The following KIAA1217 variants were observed in gnomAD, a reference collection of about 807,000 sequenced individuals.
KIAA1217 encodes KIAA1217, also known as sickle tail protein homolog.
Under a neutral mutation model 163.9 loss-of-function variants are expected in KIAA1217, and 88 were observed. That is an observed-to-expected ratio of 0.54 (90% confidence interval 0.45 to 0.64). KIAA1217 has a LOEUF of 0.64. Ranked by LOEUF, KIAA1217 falls within the 30% of genes least tolerant of loss-of-function variation. The probability of loss-of-function intolerance (pLI) is 0.00; values close to 1 mark genes in which losing one functional copy is unlikely to be tolerated. For missense variants in KIAA1217, 2,372 were observed against 2,475.0 expected, an observed-to-expected ratio of 0.96 and a Z score of 0.88; for synonymous variants, 903 against 923.1, an observed-to-expected ratio of 0.98 and a Z score of 0.39.
At position 24,092,909 on chromosome 10, in the gene KIAA1217, GTGTGTGTGTGTGTGTGTGT is replaced by G. The variant is rs1278911754; in HGVS notation, c.-171+85555_-171+85573del. ...ATTTTACTGTGTGTATGTATAGTGTGTGTGTGTGTGTGTGTGTGTTGTGTGTGTGTGTGTGTGTGTGTGT... is the reference window on the plus strand; with the variant it reads ...ATTTTACTGTGTGTATGTATAGTGTGTGTGTGTGTGTGTGTGTGTGTGTGT... On this transcript the variant is annotated intron_variant, in intron 2 of 18. Coordinates refer to the KIAA1217 transcript ENST00000376462. 4.3e-3 allele frequency among the ~76,000 whole-genome samples: 581 copies of G among 136,480 alleles called. 12 individuals carry two copies. The highest frequency in any genetic ancestry group is 0.019 in the African/African-American group (555 of 28,954). 89.5% of individuals were successfully genotyped at this position (136,480 alleles called of 152,430 possible).
chr10:24,346,852 T>G (rs1203431790), intron 2 of KIAA1217, among the ~76,000 whole-genome samples: 1 of 152,136 alleles, frequency 6.6e-6, no homozygotes, highest in Non-Finnish European at 1.5e-5. Flanking sequence ...ACAACAGGCA[T>G]GAGCCACTGC....
intron 1 of KIAA1217, among the ~76,000 whole-genome samples, chr10:23,954,866 G>A (rs893080110): frequency 1.3e-5 from 2 of 152,124 alleles, no homozygotes; most frequent in East Asian, 3.8e-4. Flanking sequence ...TTTGAACCAT[G>A]TTTTAAGGGA....
At chr10:24,379,280 A>G (rs1041937815) in intron 2 of KIAA1217, among the ~76,000 whole-genome samples, 3 of 152,196 alleles carry the variant, frequency 2.0e-5, no homozygotes, top group Non-Finnish European at 4.4e-5. Context: ...AAATACTTGT[A>G]ATGTGTGTCA....
At chr10:24,541,600 C>T (rs1021581609) in intron 17 of KIAA1217, among the ~76,000 whole-genome samples, 1 of 152,146 alleles carries the variant, frequency 6.6e-6, no homozygotes, top group African/African-American at 2.4e-5. Context: ...TCAATCACCT[C>T]AGCATGAAGA....
rs190656016 is a variant in KIAA1217 at position 23,721,581 on chromosome 10, C to T, written c.-321+26347C>T. ...TAAGTAAACAAATAACCCATGTTCT[C>T]GGTGACATAAACCAACCTAAACTAA... On this transcript the variant is annotated intron_variant, in intron 1 of 18. Transcript: ENST00000376462. 1.6e-3 allele frequency among the ~76,000 whole-genome samples: 237 copies of T among 151,590 alleles called. 1 individual carries two copies. The highest frequency in any genetic ancestry group is 2.5e-3 in the Non-Finnish European group (170 of 67,918).
intron 2 of KIAA1217, among the ~76,000 whole-genome samples, chr10:24,198,160 G>A (rs2067078235): frequency 6.6e-6 from 1 of 152,236 alleles, no homozygotes; most frequent in African/African-American, 2.4e-5. Context: ...TTGTTTTAAA[G>A]AGTCCCATTA....
intron 1 of KIAA1217, among the ~76,000 whole-genome samples, chr10:24,003,508 G>T (rs1240500737): frequency 6.6e-6 from 1 of 152,040 alleles, no homozygotes; most frequent in Admixed American, 6.6e-5. Flanking sequence ...CTTTAACTCT[G>T]AATATCATCA....
intron 1 of KIAA1217, among the ~76,000 whole-genome samples, chr10:23,879,831 G>A (rs966255755): frequency 6.6e-6 from 1 of 151,922 alleles, no homozygotes; most frequent in African/African-American, 2.4e-5. Context: ...AAATGATAAT[G>A]TAGGAGAAGG....
chr10:23,778,652 G>A (rs768619494), intron 1 of KIAA1217, among the ~76,000 whole-genome samples: 6 of 152,168 alleles, frequency 3.9e-5, no homozygotes, highest in African/African-American at 7.2e-5. Context: ...TAAAGAAGCT[G>A]TTAGTAATCA....
At chr10:24,181,963 G>A (rs1158444588) in intron 2 of KIAA1217, among the ~76,000 whole-genome samples, 1 of 152,068 alleles carries the variant, frequency 6.6e-6, no homozygotes, top group Non-Finnish European at 1.5e-5. Context: ...CCATGGAAAG[G>A]GGGAATTTTA....
chr10:24,311,631 T>G (rs2042708724), intron 2 of KIAA1217, among the ~76,000 whole-genome samples: 1 of 152,136 alleles, frequency 6.6e-6, no homozygotes, highest in African/African-American at 2.4e-5. Context: ...GTAATCACAT[T>G]CCAACCCTGA....
intron 1 of KIAA1217, among the ~76,000 whole-genome samples, chr10:23,730,315 A>T (rs1311490397): frequency 6.6e-6 from 1 of 151,930 alleles, no homozygotes; most frequent in African/African-American, 2.4e-5. Context: ...TTTCTTTATT[A>T]TATTTCCTTT....
chr10:24,494,057 C>G (rs1039409980), intron 6 of KIAA1217, among the ~76,000 whole-genome samples: 3 of 152,202 alleles, frequency 2.0e-5, no homozygotes, highest in Admixed American at 2.0e-4. Flanking sequence ...GCAAACAGCT[C>G]CATCATTTAC....
At chr10:23,977,943 A>C (rs1845606993) in intron 1 of KIAA1217, among the ~76,000 whole-genome samples, 2 of 152,208 alleles carry the variant, frequency 1.3e-5, no homozygotes, top group Admixed American at 1.3e-4. Flanking sequence ...ACTCCTTAAG[A>C]ACAACATCCC....
chr10:24,109,599 A>G (rs1291866654), intron 2 of KIAA1217, among the ~76,000 whole-genome samples: 1 of 152,198 alleles, frequency 6.6e-6, no homozygotes, highest in African/African-American at 2.4e-5. Context: ...ACAGAAATCC[A>G]GATGGACATT....
At chr10:24,332,077 AG>A (rs1445463643) in intron 2 of KIAA1217, among the ~76,000 whole-genome samples, 1 of 152,218 alleles carries the variant, frequency 6.6e-6, no homozygotes, top group Non-Finnish European at 1.5e-5. Context: ...CTAGGATTAC[AG>A]GTGTGAGTCA....
At chr10:24,330,025 C>T (rs979603526) in intron 2 of KIAA1217, among the ~76,000 whole-genome samples, 1 of 152,024 alleles carries the variant, frequency 6.6e-6, no homozygotes, top group Admixed American at 6.6e-5. Context: ...AACGGCTGGG[C>T]GTGGTGGCTC....
intron 1 of KIAA1217, among the ~76,000 whole-genome samples, chr10:23,745,772 T>A (rs759691500): frequency 6.6e-5 from 10 of 152,108 alleles, no homozygotes; most frequent in Non-Finnish European, 1.5e-4. Flanking sequence ...GAATGATAAA[T>A]CATAGCCTTG....
chr10:24,292,350 C>T (rs1028436060), intron 2 of KIAA1217, among the ~76,000 whole-genome samples: 2 of 152,142 alleles, frequency 1.3e-5, no homozygotes, highest in Non-Finnish European at 2.9e-5. Flanking sequence ...CACTGTATTT[C>T]TCTATTCCAA....
Sources: allele counts gnomAD v4.1 joint callset (sites outside exome capture counted in the v4.1 genomes callset), GRCh38; gene constraint gnomAD v4.1.1; transcripts MANE v1.5; gene names NCBI Gene and HGNC (gene_info 2026-07-23, HGNC 2026-07-21).